Variants in CCNY observed in about 807,000 individuals in gnomAD.
CCNY encodes the protein cyclin Y.
CCNY carries 19 observed loss-of-function variants against 42.8 expected under a neutral mutation model. That is an observed-to-expected ratio of 0.44 (90% CI 0.31 to 0.65). The LOEUF is 0.65. Ranked by LOEUF, CCNY falls within the 30% of genes least tolerant of loss-of-function variation. The pLI is 0.07. For missense variants in CCNY, 370 were observed against 437.3 expected (o/e 0.85, Z 1.37); for synonymous variants, 165 against 162.7 (o/e 1.01, Z -0.11).
intron 1 of CCNY, among the ~76,000 whole-genome samples, chr10:35,338,257 A>G (rs1043942788): frequency 2.6e-5 from 4 of 152,244 alleles, no homozygotes; most frequent in African/African-American, 4.8e-5. Flanking sequence ...GAAAGGCCAC[A>G]TTTAAACTTT....
intron 3 of CCNY, among the ~76,000 whole-genome samples, chr10:35,326,665 T>C (rs1441295985): frequency 6.6e-6 from 1 of 151,904 alleles, no homozygotes; most frequent in Admixed American, 6.6e-5. Context: ...TTGGGAGGTT[T>C]GCTTGAGCCT....
intron 1 of CCNY, among the ~76,000 whole-genome samples, chr10:35,453,912 T>C (rs748816346): frequency 1.4e-4 from 22 of 152,372 alleles, no homozygotes; most frequent in Non-Finnish European, 2.9e-4. Context: ...ATATTTGTCT[T>C]TATGCATTTC....
intron 8 of CCNY, among the ~76,000 whole-genome samples, chr10:35,564,863 A>G (rs1245534322): frequency 6.6e-6 from 1 of 152,218 alleles, no homozygotes; most frequent in Non-Finnish European, 1.5e-5. Context: ...CCAGGCATGC[A>G]AAAGCAGATG....
chr10:35,294,921 A>G (rs1835452717), intron 3 of CCNY, among the ~76,000 whole-genome samples: 1 of 152,152 alleles, frequency 6.6e-6, no homozygotes, highest in Non-Finnish European at 1.5e-5. Context: ...TCTCTTTGTT[A>G]TAGATTTATT....
upstream of CCNY, among the ~76,000 whole-genome samples, chr10:35,333,187 T>G (rs1019857840): frequency 1.3e-5 from 2 of 152,136 alleles, no homozygotes; most frequent in Non-Finnish European, 2.9e-5. Context: ...CTTGTTACAA[T>G]GCTCAGTGTG....
chr10:35,292,013 T>A (rs1232888249), intron 3 of CCNY, among the ~76,000 whole-genome samples: 1 of 152,182 alleles, frequency 6.6e-6, no homozygotes, highest in African/African-American at 2.4e-5. Context: ...GGGGTTCCAG[T>A]TTCTTCATAT....
At chr10:35,253,309 G>A (rs879399666) in intron 3 of CCNY, among the ~76,000 whole-genome samples, 4 of 151,372 alleles carry the variant, frequency 2.6e-5, no homozygotes, top group Non-Finnish European at 5.9e-5. Context: ...GAGTGCAGTT[G>A]TGCTATCACA....
intron 3 of CCNY, among the ~76,000 whole-genome samples, chr10:35,317,183 G>A (rs1835770763): frequency 1.3e-5 from 2 of 151,960 alleles, no homozygotes; most frequent in South Asian, 4.1e-4. Flanking sequence ...TAGAGATAGG[G>A]TCTCCCTGTG....
intron 1 of CCNY, among the ~76,000 whole-genome samples, chr10:35,469,636 G>A (rs1056175193): frequency 6.7e-6 from 1 of 149,850 alleles, no homozygotes; most frequent in African/African-American, 2.5e-5. Context: ...AGGGGGAGAT[G>A]GAGAGTCAGA....
chr10:35,565,146 A>G (rs1841543764), intron 8 of CCNY, among the ~76,000 whole-genome samples: 1 of 152,230 alleles, frequency 6.6e-6, no homozygotes, highest in Admixed American at 6.5e-5. Flanking sequence ...GATAGCTGAC[A>G]TGAGAAGTTC....
At chr10:35,494,129 G>C (rs1589158164) in intron 2 of CCNY, among the ~76,000 whole-genome samples, 1 of 151,360 alleles carries the variant, frequency 6.6e-6, no homozygotes, top group Non-Finnish European at 1.5e-5. Context: ...TTGCTTCCAG[G>C]TTAGGCACAG....
At chr10:35,494,398 C>CA (rs957057528) in intron 2 of CCNY, among the ~76,000 whole-genome samples, 84 of 152,192 alleles carry the variant, frequency 5.5e-4, no homozygotes, top group African/African-American at 1.9e-3. Flanking sequence ...CTTTAAGTCT[C>CA]ACTTAAAAAA....
intron 3 of CCNY, among the ~76,000 whole-genome samples, chr10:35,257,496 C>G (rs2095716534): frequency 6.6e-6 from 1 of 152,066 alleles, no homozygotes; most frequent in South Asian, 2.1e-4. Context: ...TTTTGAAGAA[C>G]TGTTAAGCCA....
At chr10:35,369,454 A>T (rs144080104) in intron 1 of CCNY, among the ~76,000 whole-genome samples, 70 of 152,350 alleles carry the variant, frequency 4.6e-4, no homozygotes, top group African/African-American at 1.5e-3. Context: ...ATCCCTGAGA[A>T]CTTGGATTCT....
At chr10:35,370,462 A>G (rs1210408593) in intron 1 of CCNY, among the ~76,000 whole-genome samples, 2 of 151,080 alleles carry the variant, frequency 1.3e-5, no homozygotes, top group South Asian at 2.1e-4. Context: ...TTCCTCATCC[A>G]TATTCTTTTG....
intron 1 of CCNY, among the ~76,000 whole-genome samples, chr10:35,456,726 TTTAAAG>T (rs1395868666): frequency 2.6e-5 from 4 of 152,334 alleles, no homozygotes; most frequent in African/African-American, 9.6e-5. Context: ...TGAAGGGCAG[TTTAAAG>T]TTATAGAATG....
At chr10:35,366,703 G>A (rs559707540) in intron 1 of CCNY, among the ~76,000 whole-genome samples, 33 of 152,180 alleles carry the variant, frequency 2.2e-4, no homozygotes, top group Non-Finnish European at 4.0e-4. Flanking sequence ...TTGTTCTACA[G>A]CAGCACTGTT....
At chr10:35,313,464 C>T (rs1835713837) in intron 3 of CCNY, among the ~76,000 whole-genome samples, 1 of 152,202 alleles carries the variant, frequency 6.6e-6, no homozygotes, top group South Asian at 2.1e-4. Flanking sequence ...GAGTTTGCGT[C>T]TGTTTCAGGC....
intron 3 of CCNY, among the ~76,000 whole-genome samples, chr10:35,515,986 C>T (rs1253588097): frequency 6.6e-6 from 1 of 152,178 alleles, no homozygotes. Flanking sequence ...TTGTCCTTAA[C>T]AAAGCAATAT....
Sources: allele counts gnomAD v4.1 joint callset (sites outside exome capture counted in the v4.1 genomes callset), GRCh38; gene constraint gnomAD v4.1.1; transcripts MANE v1.5; gene names NCBI Gene and HGNC (gene_info 2026-07-23, HGNC 2026-07-21).